The following PHRF1 variants were observed in gnomAD, a reference collection of about 807,000 sequenced individuals.
PHRF1 encodes PHD and RING finger domain-containing protein 1.
PHRF1 carries 53 observed loss-of-function variants against 128.9 expected under a neutral mutation model. The ratio of observed to expected loss-of-function variants is 0.41; its 90% CI spans 0.33 to 0.52. The LOEUF (loss-of-function observed/expected upper bound fraction) is 0.52. Ranked by LOEUF, PHRF1 falls within the 20% of genes least tolerant of loss-of-function variation. The probability of loss-of-function intolerance (pLI) is 0.21; values close to 1 mark genes in which losing one functional copy is unlikely to be tolerated. For missense variants in PHRF1, 2,503 were observed against 2,284.5 expected (o/e 1.10, Z -1.95); for synonymous variants, 1,178 against 980.6 (o/e 1.20, Z -3.76).
intron 13 of PHRF1, chr11:606,801 T>G (rs773545254): frequency 2.2e-6 from 2 of 897,114 alleles, no homozygotes; most frequent in Non-Finnish European, 3.3e-6. Context: ...AGCTTCATGT[T>G]CATAAGAACA....
intron 3 of PHRF1, among the ~76,000 whole-genome samples, chr11:583,408 T>C (rs967544809): frequency 2.6e-5 from 4 of 151,306 alleles, no homozygotes; most frequent in Admixed American, 1.3e-4. Context: ...TCCCCACTAC[T>C]CAGGAGGCTG....
intron 1 of PHRF1, among the ~76,000 whole-genome samples, chr11:578,911 G>A (rs1375308027): frequency 2.0e-5 from 3 of 151,828 alleles, no homozygotes; most frequent in South Asian, 2.1e-4. Context: ...ATGTAGTGGC[G>A]CGATCTCAGC....
intron 4 of PHRF1, among the ~76,000 whole-genome samples, chr11:589,792 G>GA (rs1564845081): frequency 0.011 from 1,527 of 141,994 alleles, 109 homozygotes; most frequent in African/African-American, 0.041. Context: ...AGCCTGAGAG[G>GA]GTGTCTGCAA....
At position 597,893 on chromosome 11, in the gene PHRF1, C is replaced by T. The variant is rs773785847; in HGVS notation, c.894+323C>T. ...CGCTCCCTCTAGGCACCTGTGAGCA[C>T]CTTCCTCTTGCACTGGACCTGGTGC... is the stretch of plus-strand genomic sequence containing the variant. On this transcript the variant is annotated intron_variant, in intron 8 of 17. Coordinates refer to ENST00000264555, the MANE Select transcript of PHRF1 (RefSeq NM_001286581.2). This position sits in a 1 kb window ranked among gnomAD's most constrained non-coding sequence, Gnocchi z 6.5. 4.6e-5 allele frequency among the ~76,000 whole-genome samples: 7 copies of T among 152,222 alleles called. No homozygotes were observed. The highest frequency in any genetic ancestry group is 4.1e-4 in the South Asian group (2 of 4,836).
At chr11:609,754 G>A in intron 14 of PHRF1, 34 bp downstream of exon 14, 4 of 1,379,134 alleles carry the variant, frequency 2.9e-6, no homozygotes, top group Non-Finnish European at 3.8e-6. Flanking sequence ...CGAGGACAGA[G>A]CCCCCAGTGA....
intron 10 of PHRF1, among the ~76,000 whole-genome samples, chr11:602,919 C>T (rs759044083): frequency 6.6e-6 from 1 of 151,806 alleles, no homozygotes; most frequent in Non-Finnish European, 1.5e-5. Context: ...TGTGCCACCA[C>T]GCCCAGCTAA....
intron 15 of PHRF1, 37 bp from the exon 16 acceptor site, chr11:610,464 T>C: frequency 6.3e-7 from 1 of 1,584,326 alleles, no homozygotes; most frequent in Non-Finnish European, 8.6e-7. Context: ...AGCTGCTAGC[T>C]GTAGGGCCCA....
intron 3 of PHRF1, among the ~76,000 whole-genome samples, chr11:585,658 T>TTGAGATAGTAGCCCTTTCCAGCA (rs1854501615): frequency 2.5e-4 from 3 of 11,870 alleles, no homozygotes; most frequent in African/African-American, 3.6e-4. Flanking sequence ...CCTTTCCAGC[T>TTGAGATAGTAGCCCTTTCCAGCA]TGAGGTAGTA....
At chr11:588,525 G>A (rs1854727837) in intron 4 of PHRF1, among the ~76,000 whole-genome samples, 1 of 151,932 alleles carries the variant, frequency 6.6e-6, no homozygotes, top group African/African-American at 2.4e-5. Context: ...AACTGTAGGT[G>A]CCCACCACCA....
chr11:588,520 T>C (rs1854727593), intron 4 of PHRF1, among the ~76,000 whole-genome samples: 1 of 151,904 alleles, frequency 6.6e-6, no homozygotes, highest in African/African-American at 2.4e-5. Context: ...GCTGGAACTG[T>C]AGGTGCCCAC....
rs1239366553 is a variant in PHRF1, at chr11:592,615, G to T, written c.561G>T (p.Glu187Asp). 6 of 1,614,088 alleles carry T rather than the reference G, an allele frequency of 3.7e-6. No individual in the cohort carries two copies. The South Asian group carries it at 6.6e-5, about 18-fold the overall frequency. ...AGGAGGAGGACCCGACCTTCTGTGA[G>T]GTGTGCGGCAGGAGCGACCGTGAGG... Reference protein sequence around the residue: ...SEEEEDPTFCEVCGRSDREDR... With the variant: ...SEEEEDPTFCDVCGRSDREDR... The change falls in exon 6 of 18, where the codon GAG becomes GAT. Residue 187 changes from glutamate (E) to aspartate (D), a missense_variant. Physicochemically the swap from Glu to Asp is conservative, Grantham distance 45. Coordinates refer to ENST00000264555, the MANE Select transcript of PHRF1 (RefSeq NM_001286581.2).
Position 607,712 on chromosome 11 carries a change from C to CCCCAGCT in PHRF1, c.2261_2267dup (p.His756GlnfsTer22). ...ACACGGGCAGCTCCCGGCCCCCAGCCCCCAGCTCCCATGGCAGTTTGGCCC... is the reference window on the plus strand; with the variant it reads ...ACACGGGCAGCTCCCGGCCCCCAGCCCCCAGCTCCCAGCTCCCATGGCAGTTTGGCCC... On this transcript the variant is annotated frameshift_variant, in exon 14 of 18. Coordinates refer to ENST00000264555, the MANE Select transcript of PHRF1 (RefSeq NM_001286581.2). LOFTEE classifies it high-confidence loss of function. The CCCCAGCT allele has an allele frequency of 6.2e-7, 1 of 1,611,498 alleles. No individual in the cohort carries two copies. The highest frequency in any genetic ancestry group is 8.5e-7 in the Non-Finnish European group (1 of 1,179,116).
Position 603,013 on chromosome 11 carries a change from G to A in PHRF1, c.1152+1312G>A, listed in dbSNP as rs554031459. Among the ~76,000 whole-genome samples, 7 of 151,870 alleles carry A rather than the reference G, an allele frequency of 4.6e-5. No individual in the cohort carries two copies. The South Asian group carries it at 6.2e-4, about 14-fold the overall frequency. ...CCTGACCTCGTGATCTGCCCACCTCGGCCCCCAAAGTGCTGGGATTACAGG... is the reference window on the plus strand; with the variant it reads ...CCTGACCTCGTGATCTGCCCACCTCAGCCCCCAAAGTGCTGGGATTACAGG... On this transcript the variant is annotated intron_variant, in intron 10 of 17. Coordinates refer to ENST00000264555, the MANE Select transcript of PHRF1 (RefSeq NM_001286581.2).
At position 605,647 on chromosome 11, in the gene PHRF1, C is replaced by T; in HGVS notation, c.1377C>T (p.Ala459=). 1 of 1,613,726 alleles carries T rather than the reference C, an allele frequency of 6.2e-7. No homozygotes were observed. The highest frequency in any genetic ancestry group is 8.5e-7 in the Non-Finnish European group (1 of 1,179,890). ...CAAACCCTCTTTCCCCTCTGAGTGC[C>T]AAGAGACGGGCTCTGTCCCGGTCAG... ...LSANPLSPLS[A]KRRALSRSAL... is the part of the protein sequence containing the mutation. The change falls in exon 12 of 18, where the codon GCC becomes GCT. Residue 459 remains alanine (A), a synonymous_variant. Transcript: ENST00000264555.
rs1175403416 is a variant in PHRF1, at chr11:608,803, C to G, written c.3347C>G (p.Ser1116Cys). ...AAGAAGAAGAAAAGGAGATCAGCGT[C>G]CAGACCTCGGGGAAGGGAGTGCTCC... ...SRKKKKRRSA[S>C]RPRGRECSPT... The change falls in exon 14 of 18, where the codon TCC becomes TGC. Residue 1116 changes from serine (S) to cysteine (C), a missense_variant. Transcript: ENST00000264555. 6.2e-7 allele frequency: 1 copy of G among 1,611,946 alleles called. No individual in the cohort carries two copies. Among genetic ancestry groups the G allele is most frequent in the Non-Finnish European group, 8.5e-7 (1 of 1,179,756 alleles).
rs1373654096 is a variant in PHRF1 at position 576,519 on chromosome 11, G to C, written c.-95G>C. ...GGCGGCGGCAGAGGCGGCGGCGGCC[G>C]GGCCTAGGAGCGACTCTCGGTCGTG... On this transcript the variant is annotated 5_prime_UTR_variant, in exon 1 of 18. Coordinates refer to ENST00000264555, the MANE Select transcript of PHRF1 (RefSeq NM_001286581.2). The C allele has an allele frequency of 6.5e-6, 1 of 152,828 alleles. No individual in the cohort carries two copies. The highest frequency in any genetic ancestry group is 1.5e-5 in the Non-Finnish European group (1 of 68,286). 9.5% of individuals were successfully genotyped at this position (152,828 alleles called of 1,614,324 possible).
At chr11:581,383 C>A (rs536499836) in intron 1 of PHRF1, 109 bp from the exon 2 acceptor site, 1 of 832,556 alleles carries the variant, frequency 1.2e-6, no homozygotes, top group Non-Finnish European at 1.9e-6. Flanking sequence ...CGTGCTGTGG[C>A]GGTGGATGTG....
intron 1 of PHRF1, among the ~76,000 whole-genome samples, chr11:579,571 G>A (rs1292102717): frequency 1.3e-5 from 2 of 152,208 alleles, no homozygotes; most frequent in Non-Finnish European, 2.9e-5. Context: ...TGGCCCTCGT[G>A]TGTCTCTCAG....
At chr11:606,702 TG>T in intron 13 of PHRF1, 106 bp downstream of exon 13, 1 of 1,415,990 alleles carries the variant, frequency 7.1e-7, no homozygotes, top group Admixed American at 2.7e-5. Context: ...TAGCTGAAGT[TG>T]GGGGGACCAT....
Sources: gnomAD v4.1 joint callset for allele counts (sites outside exome capture counted in the v4.1 genomes callset) on GRCh38, gnomAD v4.1.1 for gene constraint, Gnocchi (gnomAD v3.1) non-coding constraint, MANE v1.5 for transcripts, NCBI Gene and HGNC (gene_info 2026-07-23, HGNC 2026-07-21) for gene names.